The following NPC1 variants were observed in gnomAD, a reference collection of about 807,000 sequenced individuals.
The protein encoded by NPC1 is NPC intracellular cholesterol transporter 1.
A neutral mutation model predicts 140.4 loss-of-function variants in NPC1; 85 were observed. That is an observed-to-expected ratio of 0.61 (90% CI 0.51 to 0.72). The LOEUF is 0.72. Ranked by LOEUF, NPC1 falls within the 30% of genes least tolerant of loss-of-function variation. The pLI, the probability that NPC1 is intolerant of heterozygous loss-of-function variation, is 0.00. For missense variants in NPC1, 1,504 were observed against 1,623.8 expected (o/e 0.93, Z 1.27); for synonymous variants, 656 against 624.8 (o/e 1.05, Z -0.74).
downstream of NPC1, chr18:23,530,033 C>T (rs34136453): frequency 6.5e-3 from 10,444 of 1,613,348 alleles, 63 homozygotes; most frequent in Middle Eastern, 0.024. Context: ...CTCAGCATTA[C>T]CTACATGAAC....
chr18:23,524,645 A>G (rs987477408), downstream of NPC1, among the ~76,000 whole-genome samples: 4 of 151,648 alleles, frequency 2.6e-5, no homozygotes, highest in Non-Finnish European at 5.9e-5. Flanking sequence ...TTTTTACTAT[A>G]TGTGCATTTT....
chr18:23,518,238 C>T (rs796599028), downstream of NPC1, among the ~76,000 whole-genome samples: 9 of 152,314 alleles, frequency 5.9e-5, no homozygotes, highest in African/African-American at 2.2e-4. Context: ...ACCTGTAATA[C>T]CAGTGACTGG....
chr18:23,583,639 G>C (rs1362248280), intron 1 of NPC1, among the ~76,000 whole-genome samples: 1 of 151,718 alleles, frequency 6.6e-6, no homozygotes, highest in Non-Finnish European at 1.5e-5. Context: ...GCCATGCTTA[G>C]AATACTGCAT....
At chr18:23,530,723 T>G (rs1306088751), downstream of NPC1, 2 of 966,352 alleles carry the variant, frequency 2.1e-6, no homozygotes, top group Non-Finnish European at 3.0e-6. Flanking sequence ...AACAACACAA[T>G]TTGATAACAG....
intron 10 of NPC1, among the ~76,000 whole-genome samples, chr18:23,550,120 T>C (rs549974684): frequency 2.0e-5 from 3 of 151,822 alleles, no homozygotes; most frequent in Non-Finnish European, 4.4e-5. Context: ...CAAGTGATCC[T>C]CCCACCTCAG....
chr18:23,540,416 T>TA, intron 17 of NPC1, 32 bp downstream of exon 17: 1 of 1,241,880 alleles, frequency 8.1e-7, no homozygotes, highest in Non-Finnish European at 1.2e-6. Flanking sequence ...GCTAAAGAAG[T>TA]TAAAAAAAAA....
intron 20 of NPC1, 87 bp from the exon 21 acceptor site, chr18:23,536,963 C>G (rs1441876500): frequency 1.9e-6 from 2 of 1,063,122 alleles, no homozygotes; most frequent in Non-Finnish European, 2.9e-6. Flanking sequence ...GCAAAATCAC[C>G]TGACCCTGGA....
chr18:23,539,623 A>C, intron 18 of NPC1, 153 bp from the exon 19 acceptor site: 1 of 793,278 alleles, frequency 1.3e-6, no homozygotes. Flanking sequence ...AAAAGCCTTC[A>C]AAGTATTAGG....
chr18:23,556,208 T>C (rs752946057), intron 8 of NPC1, 35 bp downstream of exon 8: 3 of 1,599,786 alleles, frequency 1.9e-6, no homozygotes, highest in South Asian at 2.2e-5. Context: ...CACAAGGTCA[T>C]CTAGAGTGAC....
rs1303535475 is a variant in NPC1 at position 23,586,329 on chromosome 18, G to A, written c.15C>T (p.Gly5=). 6.5e-6 allele frequency: 10 copies of A among 1,533,952 alleles called. No homozygotes were observed. The highest frequency in any genetic ancestry group is 8.7e-6 in the Non-Finnish European group (10 of 1,146,258). Residue 5 remains glycine, a synonymous_variant, in exon 1 of 25, where the codon GGC becomes GGT. Transcript: ENST00000269228. ...GCAGCAGGAGGAGGCCAAGGGCCAG[G>A]CCGCGAGCGGTCATGCTGTGGCCGC... The part of the protein sequence containing the change: MTAR[G]LALGLLLLLL...
chr18:23,555,435 G>A (rs1444361446), intron 8 of NPC1, among the ~76,000 whole-genome samples: 1 of 152,218 alleles, frequency 6.6e-6, no homozygotes, highest in Non-Finnish European at 1.5e-5. Context: ...GATCTTGGAG[G>A]TAAATGACTA....
chr18:23,540,221 A>G (rs950245323), intron 17 of NPC1, among the ~76,000 whole-genome samples: 3 of 152,172 alleles, frequency 2.0e-5, no homozygotes, highest in Non-Finnish European at 4.4e-5. Context: ...GTAACCTCAT[A>G]AGACTAGTTA....
chr18:23,573,943 C>G (rs1280129819), intron 1 of NPC1, among the ~76,000 whole-genome samples: 2 of 152,074 alleles, frequency 1.3e-5, no homozygotes, highest in African/African-American at 4.8e-5. Context: ...TATATAAGCT[C>G]TAAGTAATGA....
At chr18:23,534,747 T>G (rs1014481061) in intron 22 of NPC1, among the ~76,000 whole-genome samples, 188 bp from the exon 23 acceptor site, 3 of 152,132 alleles carry the variant, frequency 2.0e-5, no homozygotes, top group African/African-American at 7.2e-5. Flanking sequence ...TGGGGCCCTC[T>G]CTACACACAG....
intron 1 of NPC1, chr18:23,524,253 C>A (rs1390495276): frequency 5.9e-5 from 93 of 1,564,614 alleles, no homozygotes; most frequent in Non-Finnish European, 7.7e-5. Flanking sequence ...AGTCCTCCTC[C>A]GGGCAGCTGT....
chr18:23,555,300 G>A (rs1285379670), intron 8 of NPC1, among the ~76,000 whole-genome samples: 1 of 152,274 alleles, frequency 6.6e-6, no homozygotes, highest in Non-Finnish European at 1.5e-5. Flanking sequence ...CAGCAGGCCA[G>A]AGGGGAGAGT....
rs2058742482 is a variant in NPC1 at position 23,543,571 on chromosome 18, TTA to T, written c.2131-4_2131-3del. On this transcript the variant is annotated splice_region_variant and splice_polypyrimidine_tract_variant and intron_variant, in intron 13 of 24. Transcript: ENST00000269228. ...TTCCCCTTGAAGACGTTCATCTCTC[TTA>T]AAAAAAAAAAAAAAAAATTATGCGA... is the stretch of plus-strand genomic sequence containing the variant. 2.1e-6 allele frequency: 3 copies of T among 1,417,540 alleles called. No homozygotes were observed. The highest frequency in any genetic ancestry group is 2.5e-5 in the African/African-American group (1 of 40,276). The allele number at this position is 1,417,540 out of a possible 1,614,324, so 87.8% of individuals were successfully genotyped here.
intron 1 of NPC1, among the ~76,000 whole-genome samples, chr18:23,575,791 A>G (rs1260421180): frequency 6.7e-6 from 1 of 149,442 alleles, no homozygotes; most frequent in East Asian, 1.9e-4. Context: ...AAAAAAAAAA[A>G]AAAAAGTCAT....
At chr18:23,562,657 A>G (rs544149617) in intron 4 of NPC1, among the ~76,000 whole-genome samples, 10 of 152,078 alleles carry the variant, frequency 6.6e-5, no homozygotes, top group Admixed American at 3.3e-4. Context: ...CATTGTCTTA[A>G]GGTGATTTGT....
Sources: allele counts gnomAD v4.1 joint callset (sites outside exome capture counted in the v4.1 genomes callset), GRCh38; gene constraint gnomAD v4.1.1; transcripts MANE v1.5; gene names NCBI Gene and HGNC (gene_info 2026-07-23, HGNC 2026-07-21).